Variants in KIAA0586 observed in about 807,000 individuals in gnomAD.
KIAA0586 encodes protein TALPID3.
KIAA0586 carries 144 observed loss-of-function variants against 169.8 expected under a neutral mutation model. That is an observed-to-expected ratio of 0.85 (90% CI 0.74 to 0.97). KIAA0586 has a LOEUF of 0.97. Among genes scored for constraint, KIAA0586 ranks in the 50% least tolerant of loss-of-function variants. The pLI is 0.00. For missense variants in KIAA0586, 1,854 were observed against 1,823.0 expected (o/e 1.02, Z -0.31); for synonymous variants, 625 against 612.4 (o/e 1.02, Z -0.30).
intron 29 of KIAA0586, among the ~76,000 whole-genome samples, chr14:58,531,109 A>G (rs1200441498): frequency 6.6e-6 from 1 of 151,678 alleles, no homozygotes. Context: ...CGAGGTCAGG[A>G]GATGGAGAGC....
At chr14:58,470,577 G>A in intron 16 of KIAA0586, 36 bp from the exon 17 acceptor site, 1 of 1,260,548 alleles carries the variant, frequency 7.9e-7, no homozygotes, top group African/African-American at 1.5e-5. Flanking sequence ...GAGTAAAAAT[G>A]ATAAACAGAA....
chr14:58,536,983 A>G, intron 29 of KIAA0586: 1 of 1,247,604 alleles, frequency 8.0e-7, no homozygotes. Flanking sequence ...TGACTTCAAT[A>G]CCAGTATTAT....
At chr14:58,475,291 A>T (rs1235754514) in intron 19 of KIAA0586, among the ~76,000 whole-genome samples, 1 of 152,164 alleles carries the variant, frequency 6.6e-6, no homozygotes, top group Non-Finnish European at 1.5e-5. Flanking sequence ...TAAACTGTGC[A>T]TGTGAGGGAT....
intron 21 of KIAA0586, among the ~76,000 whole-genome samples, chr14:58,483,095 G>A (rs992764634): frequency 3.3e-5 from 5 of 152,122 alleles, no homozygotes; most frequent in African/African-American, 1.2e-4. Context: ...GTGGAGAATT[G>A]GCCAATCCTT....
At chr14:58,499,737 T>C (rs1329281947) in intron 27 of KIAA0586, among the ~76,000 whole-genome samples, 1 of 151,822 alleles carries the variant, frequency 6.6e-6, no homozygotes, top group East Asian at 1.9e-4. Context: ...TTTTGTATTT[T>C]TATTAGAGAC....
chr14:58,439,673 A>T, intron 4 of KIAA0586: 1 of 165,606 alleles, frequency 6.0e-6, no homozygotes, highest in Non-Finnish European at 1.2e-5. Flanking sequence ...TTTATGATTC[A>T]ATTGGGTATG....
intron 17 of KIAA0586, among the ~76,000 whole-genome samples, chr14:58,471,215 T>C (rs1482081440): frequency 6.6e-6 from 1 of 152,228 alleles, no homozygotes; most frequent in African/African-American, 2.4e-5. Context: ...TTATAACTAT[T>C]TGGAAAGTGA....
In KIAA0586 at chr14:58,542,217, G is replaced by T. The variant is rs543557903; in HGVS notation, c.4495+2081G>T. Among the ~76,000 whole-genome samples, 54 of 152,080 alleles carry T rather than the reference G, an allele frequency of 3.6e-4. No homozygotes were observed. The South Asian group carries it at 6.2e-3, about 18-fold the overall frequency. Reference sequence around the variant, plus strand: ...TTTTCAGCCGGGCGCAGTGGCTCACGCCTGTAATCCCAGCACTTTGAGAGG... The same window carrying T: ...TTTTCAGCCGGGCGCAGTGGCTCACTCCTGTAATCCCAGCACTTTGAGAGG... On this transcript the variant is annotated intron_variant, in intron 30 of 30. Coordinates refer to ENST00000652326, the MANE Select transcript of KIAA0586 (RefSeq NM_001329943.3).
At chr14:58,449,644 G>A (rs1019543945) in intron 7 of KIAA0586, among the ~76,000 whole-genome samples, 1 of 152,210 alleles carries the variant, frequency 6.6e-6, no homozygotes, top group African/African-American at 2.4e-5. Context: ...GCCTGCTCAA[G>A]GTTACCTGAC....
At chr14:58,484,715 A>C (rs1349602712) in intron 21 of KIAA0586, among the ~76,000 whole-genome samples, 2 of 150,192 alleles carry the variant, frequency 1.3e-5, no homozygotes, top group Admixed American at 1.3e-4. Context: ...TTCATTTTAA[A>C]ATGAAGACTA....
At chr14:58,432,747 G>A (rs968600067) in intron 4 of KIAA0586, among the ~76,000 whole-genome samples, 1 of 152,104 alleles carries the variant, frequency 6.6e-6, no homozygotes, top group African/African-American at 2.4e-5. Flanking sequence ...TAGAGATGGA[G>A]TCTCGCGTCG....
chr14:58,534,331 A>G (rs2046157301), intron 29 of KIAA0586, among the ~76,000 whole-genome samples: 1 of 152,218 alleles, frequency 6.6e-6, no homozygotes, highest in South Asian at 2.1e-4. Context: ...GTGTATTAGA[A>G]TTATGGGTGT....
At chr14:58,456,087 G>A (rs1035985952) in intron 9 of KIAA0586, among the ~76,000 whole-genome samples, 2 of 152,094 alleles carry the variant, frequency 1.3e-5, no homozygotes, top group Non-Finnish European at 2.9e-5. Context: ...CAGTGAGTCA[G>A]TTCAAATAAA....
intron 3 of KIAA0586, among the ~76,000 whole-genome samples, chr14:58,431,928 T>C (rs2037407077): frequency 6.6e-6 from 1 of 152,252 alleles, no homozygotes; most frequent in Non-Finnish European, 1.5e-5. Context: ...TTTTGTATCC[T>C]GAAACTTTAC....
intron 20 of KIAA0586, among the ~76,000 whole-genome samples, chr14:58,478,135 T>C (rs982579220): frequency 6.6e-6 from 1 of 152,190 alleles, no homozygotes; most frequent in African/African-American, 2.4e-5. Flanking sequence ...CTCTCCTGCC[T>C]TAGCCTCCCA....
intron 14 of KIAA0586, among the ~76,000 whole-genome samples, chr14:58,465,027 G>A (rs1266959771): frequency 2.0e-5 from 3 of 152,032 alleles, no homozygotes; most frequent in Non-Finnish European, 2.9e-5. Flanking sequence ...AGCTAAGATC[G>A]CACCACTGCA....
chr14:58,443,063 C>G (rs1284684054), intron 5 of KIAA0586, among the ~76,000 whole-genome samples, 183 bp downstream of exon 5: 2 of 152,218 alleles, frequency 1.3e-5, no homozygotes, highest in African/African-American at 2.4e-5. Context: ...AAATTACCCT[C>G]TAATACTGTG....
chr14:58,433,986 G>A (rs1414073083), intron 4 of KIAA0586, among the ~76,000 whole-genome samples: 1 of 152,066 alleles, frequency 6.6e-6, no homozygotes, highest in Admixed American at 6.6e-5. Context: ...GTGACAGAAT[G>A]AGACCCCGTC....
intron 27 of KIAA0586, among the ~76,000 whole-genome samples, chr14:58,507,846 G>A (rs1239543619): frequency 6.6e-6 from 1 of 151,982 alleles, no homozygotes; most frequent in African/African-American, 2.4e-5. Context: ...GTGCAGTGAT[G>A]CGATCTCAGC....
Sources: allele counts gnomAD v4.1 joint callset (sites outside exome capture counted in the v4.1 genomes callset), GRCh38; gene constraint gnomAD v4.1.1; transcripts MANE v1.5; gene names NCBI Gene and HGNC (gene_info 2026-07-23, HGNC 2026-07-21).